ST3GAL3: variants seen among roughly 807,000 people sequenced by gnomAD.
The protein encoded by ST3GAL3 is CMP-N-acetylneuraminate-beta-1,4-galactoside alpha-2,3-sialyltransferase.
In ST3GAL3, 21 loss-of-function variants were observed where a neutral mutation model predicts 50.1. The ratio of observed to expected loss-of-function variants is 0.42; its 90% CI spans 0.30 to 0.60. ST3GAL3 has a LOEUF of 0.60. ST3GAL3 is among the 20% of genes least tolerant of loss of function. The pLI is 0.19. For synonymous variants in ST3GAL3, 183 were observed against 190.0 expected, an observed-to-expected ratio of 0.96 and a Z score of 0.30; for missense variants, 353 against 489.4, an observed-to-expected ratio of 0.72 and a Z score of 2.63.
intron 1 of ST3GAL3, among the ~76,000 whole-genome samples, chr1:43,722,750 T>G (rs576257437): frequency 6.6e-6 from 1 of 152,268 alleles, no homozygotes; most frequent in East Asian, 1.9e-4. Flanking sequence ...TACAGAAGCA[T>G]CTGTGAAAGG....
intron 5 of ST3GAL3, chr1:43,879,599 T>G (rs2074745675): frequency 2.8e-6 from 1 of 360,802 alleles, no homozygotes; most frequent in South Asian, 2.1e-5. Flanking sequence ...AAGAGATGAG[T>G]CAAGAATGAC....
At chr1:43,765,871 G>T (rs1692720113) in intron 2 of ST3GAL3, among the ~76,000 whole-genome samples, 1 of 151,852 alleles carries the variant, frequency 6.6e-6, no homozygotes, top group Admixed American at 6.6e-5. Context: ...ATCCTGCCAT[G>T]TAGCTGTAAA....
chr1:43,718,165 G>A (rs1338276357), intron 1 of ST3GAL3, among the ~76,000 whole-genome samples: 6 of 144,570 alleles, frequency 4.2e-5, no homozygotes, highest in African/African-American at 1.5e-4. Flanking sequence ...GAACCACCAC[G>A]CCCGGCTCTA....
rs576101643 is a variant in ST3GAL3 at position 43,750,482 on chromosome 1, A to G, written c.118+14102A>G. Among the ~76,000 whole-genome samples the G allele has an allele frequency of 1.8e-4, 27 of 148,698 alleles. No homozygotes were observed. The East Asian group carries it at 5.2e-3, about 29-fold the overall frequency. On this transcript the variant is annotated intron_variant, in intron 2 of 11. Transcript: ENST00000347631. The stretch of plus-strand genomic sequence containing the variant: ...GACAAAAATAAATTTCAGCTAGATT[A>G]GATATTTAATTATAAAGAACTAAAT...
At chr1:43,756,270 C>T (rs540800390) in intron 2 of ST3GAL3, among the ~76,000 whole-genome samples, 1 of 151,994 alleles carries the variant, frequency 6.6e-6, no homozygotes, top group South Asian at 2.1e-4. Flanking sequence ...GAAATGGAAA[C>T]TAAATTAGTA....
Position 43,905,576 on chromosome 1 carries a change from C to T in ST3GAL3, c.744+5849C>T, listed in dbSNP as rs1190929346. Among the ~76,000 whole-genome samples the T allele has an allele frequency of 2.5e-5, 2 of 79,880 alleles. 1 individual carries two copies. Among genetic ancestry groups the T allele is most frequent in the Non-Finnish European group, 6.2e-5 (2 of 32,192 alleles). The allele number at this position is 79,880 out of a possible 152,430, so 52.4% of individuals were successfully genotyped here. A position where few individuals can be genotyped will look rare whatever the true frequency, so the allele number is the denominator to read the frequency against. On this transcript the variant is annotated intron_variant, in intron 9 of 11. Transcript: ENST00000347631. ...CCTATTCCTGCCACTGTTTCTCCCC[C>T]TCCTCCTGCTTCTCTTCCCGCCACT...
chr1:43,875,935 C>CTTA (rs2073996813), intron 5 of ST3GAL3, among the ~76,000 whole-genome samples: 7 of 57,076 alleles, frequency 1.2e-4, no homozygotes, highest in Admixed American at 1.2e-3. Flanking sequence ...TCTTCTTCTT[C>CTTA]TTCTTCTTCT....
intron 2 of ST3GAL3, among the ~76,000 whole-genome samples, chr1:43,769,012 G>A (rs1342945007): frequency 6.6e-6 from 1 of 151,984 alleles, no homozygotes; most frequent in Non-Finnish European, 1.5e-5. Flanking sequence ...CAGACATTTA[G>A]CAAATTCCAC....
intron 1 of ST3GAL3, among the ~76,000 whole-genome samples, chr1:43,735,514 G>A (rs547277914): frequency 2.0e-4 from 30 of 152,294 alleles, no homozygotes; most frequent in Non-Finnish European, 2.2e-4. Context: ...ATAACCAGCC[G>A]GGAAACGGGG....
intron 3 of ST3GAL3, among the ~76,000 whole-genome samples, chr1:43,805,319 AG>A (rs1442002650): frequency 6.6e-6 from 1 of 152,174 alleles, no homozygotes; most frequent in Non-Finnish European, 1.5e-5. Context: ...AGCTTTTGTC[AG>A]GTGCCTACAC....
intron 9 of ST3GAL3, among the ~76,000 whole-genome samples, chr1:43,901,413 A>G (rs1297580954): frequency 6.6e-6 from 1 of 152,234 alleles, no homozygotes; most frequent in Non-Finnish European, 1.5e-5. Flanking sequence ...AGGCAGTTCA[A>G]ATAAGGCCAG....
rs1226266872 is a variant in ST3GAL3 at position 43,858,335 on chromosome 1, A to G, written c.302+20024A>G. The G allele has an allele frequency of 4.8e-6, 6 of 1,248,780 alleles. No individual in the cohort carries two copies. In the East Asian group the frequency reaches 3.4e-4, roughly 70 times the overall value. 77.4% of individuals were successfully genotyped at this position (1,248,780 alleles called of 1,614,324 possible). A position where few individuals can be genotyped will look rare whatever the true frequency, so the allele number is the denominator to read the frequency against. ...TGGGGCTTCGGCAGCAAGACCAGACACACTGGTGGGGGCAGCTTCCTCCTT... is the reference window on the plus strand; with the variant it reads ...TGGGGCTTCGGCAGCAAGACCAGACGCACTGGTGGGGGCAGCTTCCTCCTT... On this transcript the variant is annotated intron_variant, in intron 5 of 11. Transcript: ENST00000347631.
chr1:43,731,258 T>A (rs1571647218), intron 1 of ST3GAL3, among the ~76,000 whole-genome samples: 2 of 152,048 alleles, frequency 1.3e-5, no homozygotes, highest in Non-Finnish European at 2.9e-5. Context: ...TCGCCCAGGC[T>A]TGGAGTGCAG....
chr1:43,801,390 C>T (rs1024574751), intron 3 of ST3GAL3: 5 of 456,020 alleles, frequency 1.1e-5, no homozygotes, highest in East Asian at 6.9e-5. Flanking sequence ...CATGTACAAC[C>T]GTATTCCTTG....
chr1:43,756,459 A>C (rs910369980), intron 2 of ST3GAL3, among the ~76,000 whole-genome samples: 1 of 152,198 alleles, frequency 6.6e-6, no homozygotes, highest in Non-Finnish European at 1.5e-5. Context: ...TATTATATGT[A>C]AATTATTCCT....
chr1:43,863,595 C>G (rs953590776), intron 5 of ST3GAL3, among the ~76,000 whole-genome samples: 2 of 152,184 alleles, frequency 1.3e-5, no homozygotes, highest in Non-Finnish European at 2.9e-5. Flanking sequence ...TTCTGCAATT[C>G]GGAGATCATA....
chr1:43,724,964 G>C (rs186741168), intron 1 of ST3GAL3, among the ~76,000 whole-genome samples: 7 of 152,302 alleles, frequency 4.6e-5, no homozygotes, highest in Admixed American at 4.6e-4. Context: ...AATGAGAAGA[G>C]AGAAGTCAGA....
At chr1:43,765,741 GTCTGTGTGTGTC>G (rs1270300130) in intron 2 of ST3GAL3, among the ~76,000 whole-genome samples, 3 of 136,820 alleles carry the variant, frequency 2.2e-5, no homozygotes, top group Non-Finnish European at 4.9e-5. Context: ...GCATGTGTGT[GTCTGTGTGTGTC>G]TGTGTGTGTG....
chr1:43,732,625 C>T (rs1676434990), intron 1 of ST3GAL3, among the ~76,000 whole-genome samples: 1 of 152,170 alleles, frequency 6.6e-6, no homozygotes, highest in Non-Finnish European at 1.5e-5. Flanking sequence ...TTGCATATGC[C>T]ATCTCTTTCC....
Sources: allele counts gnomAD v4.1 joint callset (sites outside exome capture counted in the v4.1 genomes callset), GRCh38; gene constraint gnomAD v4.1.1; transcripts MANE v1.5; gene names NCBI Gene and HGNC (gene_info 2026-07-23, HGNC 2026-07-21).